Variants in GPC6 observed in about 807,000 individuals in gnomAD.
GPC6 encodes the protein glypican-6.
In GPC6, 14 loss-of-function variants were observed where a neutral mutation model predicts 55.2. The ratio of observed to expected loss-of-function variants is 0.25; its 90% CI spans 0.17 to 0.40. The LOEUF is 0.40. Ranked by LOEUF, GPC6 falls within the 10% of genes least tolerant of loss-of-function variation. GPC6 has a pLI of 1.00. For synonymous variants in GPC6, 278 were observed against 259.6 expected (o/e 1.07, Z -0.68); for missense variants, 641 against 708.5 (o/e 0.90, Z 1.08).
intron 3 of GPC6, among the ~76,000 whole-genome samples, chr13:93,915,154 A>G (rs554509905): frequency 1.3e-5 from 2 of 152,332 alleles, no homozygotes; most frequent in East Asian, 3.9e-4. Context: ...TTTCTCTGCC[A>G]AACTAGTGAA....
At chr13:93,946,844 G>A (rs1055187122) in intron 3 of GPC6, among the ~76,000 whole-genome samples, 1 of 152,122 alleles carries the variant, frequency 6.6e-6, no homozygotes, top group South Asian at 2.1e-4. Flanking sequence ...ACATTTAAAT[G>A]AGTGTTTCTA....
chr13:93,798,132 A>C (rs1219205379), intron 2 of GPC6, among the ~76,000 whole-genome samples: 2 of 152,154 alleles, frequency 1.3e-5, no homozygotes. Flanking sequence ...GTAACTTAGT[A>C]ATGGCAAGGT....
At chr13:94,227,251 G>A (rs1890587205) in intron 4 of GPC6, among the ~76,000 whole-genome samples, 1 of 152,130 alleles carries the variant, frequency 6.6e-6, no homozygotes, top group African/African-American at 2.4e-5. Context: ...ACAAATCCTT[G>A]TACTATAAAA....
intron 1 of GPC6, among the ~76,000 whole-genome samples, chr13:93,263,883 T>C (rs1423595891): frequency 2.0e-5 from 3 of 152,224 alleles, no homozygotes; most frequent in South Asian, 2.1e-4. Context: ...AGCATTTTGG[T>C]TGACATTGCC....
At chr13:94,085,499 C>T (rs1885251486) in intron 4 of GPC6, among the ~76,000 whole-genome samples, 1 of 152,126 alleles carries the variant, frequency 6.6e-6, no homozygotes, top group Non-Finnish European at 1.5e-5. Flanking sequence ...ACAAGGAAGG[C>T]GAGAGATGGG....
chr13:93,556,098 T>A (rs960975198), intron 2 of GPC6, among the ~76,000 whole-genome samples: 1 of 152,126 alleles, frequency 6.6e-6, no homozygotes, highest in African/African-American at 2.4e-5. Flanking sequence ...CTTTTCAATT[T>A]TGACAGTGAA....
At chr13:93,680,159 C>A (rs902737194) in intron 2 of GPC6, among the ~76,000 whole-genome samples, 1 of 152,058 alleles carries the variant, frequency 6.6e-6, no homozygotes, top group African/African-American at 2.4e-5. Flanking sequence ...AAAATGAGGT[C>A]GCCACTGTGA....
intron 4 of GPC6, among the ~76,000 whole-genome samples, chr13:94,197,367 G>C (rs1261792983): frequency 1.3e-5 from 2 of 152,128 alleles, no homozygotes; most frequent in Non-Finnish European, 2.9e-5. Flanking sequence ...GCCTGCTAGG[G>C]CTGCTATAAC....
At chr13:93,449,341 A>T (rs898225831) in intron 1 of GPC6, among the ~76,000 whole-genome samples, 6 of 152,190 alleles carry the variant, frequency 3.9e-5, no homozygotes, top group African/African-American at 1.4e-4. Flanking sequence ...GAGGCTGTCT[A>T]GAATTAAGGT....
intron 1 of GPC6, among the ~76,000 whole-genome samples, chr13:93,340,919 CTT>C (rs936947686): frequency 1.3e-5 from 2 of 152,126 alleles, no homozygotes; most frequent in Non-Finnish European, 2.9e-5. Flanking sequence ...GATATATACT[CTT>C]TTATCTCTCA....
chr13:93,960,961 C>T (rs1412606774), intron 3 of GPC6, among the ~76,000 whole-genome samples: 4 of 151,836 alleles, frequency 2.6e-5, no homozygotes, highest in Admixed American at 6.6e-5. Flanking sequence ...TACAGGCACC[C>T]GCCACCACGT....
Position 94,289,001 on chromosome 13 carries a change from G to C in GPC6, c.1008+2522G>C, listed in dbSNP as rs1031536176. On this transcript the variant is annotated intron_variant, in intron 5 of 8. Transcript: ENST00000377047. ...ATATATATGTATTTGTTTGGTGTTTGTTCCCTACAAGTCTTCTCCTGACTT... is the reference window on the plus strand; with the variant it reads ...ATATATATGTATTTGTTTGGTGTTTCTTCCCTACAAGTCTTCTCCTGACTT... Among the ~76,000 whole-genome samples, 4 of 136,350 alleles carry C rather than the reference G, an allele frequency of 2.9e-5. No individual in the cohort carries two copies. In the South Asian group the frequency reaches 9.5e-4, roughly 32 times the overall value. 89.5% of individuals were successfully genotyped at this position (136,350 alleles called of 152,430 possible). A position where few individuals can be genotyped will look rare whatever the true frequency, so the allele number is the denominator to read the frequency against.
At position 93,480,883 on chromosome 13, in the gene GPC6, T is replaced by C. The variant is rs372443955; in HGVS notation, c.161-64380T>C. On this transcript the variant is annotated intron_variant, in intron 1 of 8. Transcript: ENST00000377047. ...TTGAGTTGTTTCTGCTCTTTGCATA[T>C]TATGACTAATGCTGTTATGAACATT... 1.6e-4 allele frequency among the ~76,000 whole-genome samples: 25 copies of C among 152,340 alleles called. No individual in the cohort carries two copies. The East Asian group carries it at 3.1e-3, about 19-fold the overall frequency.
intron 1 of GPC6, among the ~76,000 whole-genome samples, chr13:93,499,306 A>G (rs577803679): frequency 6.6e-6 from 1 of 152,322 alleles, no homozygotes; most frequent in South Asian, 2.1e-4. Context: ...CCAAATTCAC[A>G]CTAAACTCAA....
chr13:94,124,889 C>T (rs2138858016), intron 4 of GPC6, among the ~76,000 whole-genome samples: 1 of 152,188 alleles, frequency 6.6e-6, no homozygotes, highest in African/African-American at 2.4e-5. Context: ...AAGAAGGAAC[C>T]CTAGAGGTGG....
chr13:93,952,843 CATATATATACGTATATATATGTATATAT>C, intron 3 of GPC6, among the ~76,000 whole-genome samples: 1 of 142,370 alleles, frequency 7.0e-6, no homozygotes, highest in East Asian at 2.1e-4. Context: ...ATATATCACA[CATATATATACGTATATATATGTATATAT>C]ATACATATAT....
chr13:93,227,633 T>G lies in GPC6; in HGVS notation c.160+17T>G. The G allele has an allele frequency of 6.9e-6, 11 of 1,586,506 alleles. No homozygotes were observed. The highest frequency in any genetic ancestry group is 8.5e-6 in the Non-Finnish European group (10 of 1,169,922). On this transcript the variant is annotated intron_variant, in intron 1 of 8. Transcript: ENST00000377047. The surrounding 1 kb of genome is among the most constrained non-coding windows in gnomAD (Gnocchi z 4.3). ...AGATCGCAGGTAAGCGCGGGCGCGC[T>G]GCAGGGGCAGGCTGCAGCCCTCGGC...
intron 3 of GPC6, among the ~76,000 whole-genome samples, chr13:93,833,173 A>G (rs554462639): frequency 2.2e-4 from 33 of 151,292 alleles, no homozygotes; most frequent in African/African-American, 7.8e-4. Context: ...ATATATATAT[A>G]TAGCCTTGGT....
At position 93,885,923 on chromosome 13, in the gene GPC6, G is replaced by A. The variant is rs1449223204; in HGVS notation, c.711+55378G>A. On this transcript the variant is annotated intron_variant, in intron 3 of 8. Coordinates refer to ENST00000377047, the MANE Select transcript of GPC6 (RefSeq NM_005708.5). ...GATGAGATTTATGCCGGTGATGCAGGTGGTTGGTATATTCAGTAAATTTGC... is the reference window on the plus strand; with the variant it reads ...GATGAGATTTATGCCGGTGATGCAGATGGTTGGTATATTCAGTAAATTTGC... Among the ~76,000 whole-genome samples the A allele has an allele frequency of 4.6e-5, 7 of 152,104 alleles. No individual in the cohort carries two copies. The South Asian group carries it at 1.4e-3, about 31-fold the overall frequency.
Sources: gnomAD v4.1 joint callset for allele counts (sites outside exome capture counted in the v4.1 genomes callset) on GRCh38, gnomAD v4.1.1 for gene constraint, Gnocchi (gnomAD v3.1) non-coding constraint, MANE v1.5 for transcripts, NCBI Gene and HGNC (gene_info 2026-07-23, HGNC 2026-07-21) for gene names.